Variants in GLB1L2 observed in about 807,000 individuals in gnomAD.
GLB1L2 encodes the protein galactosidase beta 1 like 2.
Under a neutral mutation model 84.1 loss-of-function variants are expected in GLB1L2, and 68 were observed. That is an observed-to-expected ratio of 0.81 (90% confidence interval 0.67 to 0.99). The LOEUF (loss-of-function observed/expected upper bound fraction) is 0.99, where lower values mean the gene tolerates loss of function less well. Ranked by LOEUF, GLB1L2 falls within the 50% of genes least tolerant of loss-of-function variation. The probability of loss-of-function intolerance (pLI) is 0.00; values close to 1 mark genes in which losing one functional copy is unlikely to be tolerated. For missense variants in GLB1L2, 762 were observed against 805.6 expected, an observed-to-expected ratio of 0.95 and a Z score of 0.66; for synonymous variants, 290 against 318.0, an observed-to-expected ratio of 0.91 and a Z score of 0.94.
chr11:134,364,220 G>C, intron 7 of GLB1L2, 108 bp from the exon 8 acceptor site: 2 of 826,810 alleles, frequency 2.4e-6, no homozygotes, highest in Non-Finnish European at 1.9e-6. Flanking sequence ...CGGTGTCAGG[G>C]CCGCTTACTT....
intron 6 of GLB1L2, among the ~76,000 whole-genome samples, chr11:134,357,434 G>C (rs1234417286): frequency 6.6e-6 from 1 of 152,242 alleles, no homozygotes; most frequent in East Asian, 1.9e-4. Context: ...GGTCCATTCT[G>C]ATGGCCATGC....
At chr11:134,348,826 C>T (rs1033347179) in intron 5 of GLB1L2, among the ~76,000 whole-genome samples, 3 of 152,116 alleles carry the variant, frequency 2.0e-5, no homozygotes, top group African/African-American at 7.2e-5. Context: ...TCTGGAAGGG[C>T]CCCCTTCCAG....
At chr11:134,335,929 G>A (rs1943379774) in intron 1 of GLB1L2, among the ~76,000 whole-genome samples, 1 of 152,158 alleles carries the variant, frequency 6.6e-6, no homozygotes, top group Non-Finnish European at 1.5e-5. Flanking sequence ...AGCAGGGGCA[G>A]GGTTTTTTGG....
rs906397515 is a variant in GLB1L2, at chr11:134,339,227, C to T, written c.87-3527C>T. Among the ~76,000 whole-genome samples the T allele has an allele frequency of 6.6e-6, 1 of 152,176 alleles. No homozygotes were observed. Among genetic ancestry groups the T allele is most frequent in the African/African-American group, 2.4e-5 (1 of 41,442 alleles). On this transcript the variant is annotated intron_variant, in intron 1 of 18. Transcript: ENST00000535456. This position sits in a 1 kb window ranked among gnomAD's most constrained non-coding sequence, Gnocchi z 5.7. The stretch of plus-strand genomic sequence containing the variant: ...TCTTGCTGACCTTTAAACCAACCAA[C>T]TCCAACCACACTGTTGATATTTCCT...
chr11:134,333,378 TC>T (rs1419103744), intron 1 of GLB1L2, among the ~76,000 whole-genome samples: 1 of 152,198 alleles, frequency 6.6e-6, no homozygotes, highest in African/African-American at 2.4e-5. Flanking sequence ...TCAGCTTTCC[TC>T]CCTGTGCAAG....
rs1411224298 is a variant in GLB1L2, at chr11:134,338,804, G to A, written c.87-3950G>A. Among the ~76,000 whole-genome samples the A allele has an allele frequency of 6.6e-6, 1 of 152,146 alleles. No individual in the cohort carries two copies. The highest frequency in any genetic ancestry group is 1.5e-5 in the Non-Finnish European group (1 of 68,032). On this transcript the variant is annotated intron_variant, in intron 1 of 18. Coordinates refer to ENST00000535456, the MANE Select transcript of GLB1L2 (RefSeq NM_001370461.1). This position sits in a 1 kb window ranked among gnomAD's most constrained non-coding sequence, Gnocchi z 6.2. ...GGCTGTAGAGGTCTTGTTAGGTTGT[G>A]CGCGGCCCCATCAGAAGTCCTGATG...
At position 134,355,181 on chromosome 11, in the gene GLB1L2, G is replaced by A. The variant is rs1943685104; in HGVS notation, c.559-1120G>A. ...TATTTCAGCCCCAGAAGTTCCTTTG[G>A]TTCTTTTAAAAATAATCTCTGTTTC... On this transcript the variant is annotated intron_variant, in intron 5 of 18. Transcript: ENST00000535456. Among the ~76,000 whole-genome samples the A allele has an allele frequency of 3.3e-5, 5 of 151,910 alleles. No homozygotes were observed. The South Asian group carries it at 1.0e-3, about 32-fold the overall frequency.
chr11:134,341,563 G>C (rs1943463287), intron 1 of GLB1L2, among the ~76,000 whole-genome samples: 1 of 152,216 alleles, frequency 6.6e-6, no homozygotes, highest in Admixed American at 6.5e-5. Context: ...GTGGTGAACA[G>C]ATTCCCAGGT....
chr11:134,333,600 A>G (rs559962262), intron 1 of GLB1L2, among the ~76,000 whole-genome samples: 2 of 152,202 alleles, frequency 1.3e-5, no homozygotes, highest in South Asian at 2.1e-4. Context: ...TGGTACACCC[A>G]AAAAGTCCCC....
At chr11:134,347,666 G>A (rs1444627645) in intron 5 of GLB1L2, among the ~76,000 whole-genome samples, 1 of 152,214 alleles carries the variant, frequency 6.6e-6, no homozygotes, top group Non-Finnish European at 1.5e-5. Flanking sequence ...ACAGATGTAA[G>A]GGCTCACATT....
chr11:134,347,712 A>G (rs1943571619), intron 5 of GLB1L2, among the ~76,000 whole-genome samples: 1 of 152,206 alleles, frequency 6.6e-6, no homozygotes, highest in Admixed American at 6.5e-5. Flanking sequence ...GGATGCTGTG[A>G]TAGCCGGGAA....
chr11:134,342,635 C>G (rs945981316), intron 1 of GLB1L2, 119 bp from the exon 2 acceptor site: 2 of 1,026,254 alleles, frequency 1.9e-6, no homozygotes, highest in African/African-American at 3.2e-5. Flanking sequence ...GAGCTTTTCC[C>G]AGCCACCTGG....
intron 1 of GLB1L2, 67 bp from the exon 2 acceptor site, chr11:134,342,687 G>T: frequency 6.7e-7 from 1 of 1,484,038 alleles, no homozygotes; most frequent in Non-Finnish European, 9.2e-7. Flanking sequence ...GACCTGCGAA[G>T]GGGCGAGGAA....
Position 134,332,108 on chromosome 11 carries a change from TC to T in GLB1L2, c.49del (p.Leu17CysfsTer67). The T allele has an allele frequency of 3.8e-6, 6 of 1,591,444 alleles. No homozygotes were observed. Among genetic ancestry groups the T allele is most frequent in the Non-Finnish European group, 5.1e-6 (6 of 1,170,862 alleles). ...CGGAGGCCGGCCCGCACGCTGGGAC[TC>T]CTGCTGCTGGTCGTCTTGGGCTTCC... Reference protein sequence around the residue: ...LRRRPARTLGLLLLVVLGFLV... With the variant: ...LRRRPARTLGXLLLVVLGFLV... On this transcript the variant is annotated frameshift_variant, in exon 1 of 19. Coordinates refer to ENST00000535456, the MANE Select transcript of GLB1L2 (RefSeq NM_001370461.1). LOFTEE classifies it high-confidence loss of function.
chr11:134,371,689 A>G (rs774764637), intron 14 of GLB1L2, 63 bp from the exon 15 acceptor site: 31 of 1,552,374 alleles, frequency 2.0e-5, no homozygotes, highest in Non-Finnish European at 2.5e-5. Flanking sequence ...GGGGTCCACA[A>G]GCAAATTCTG....
intron 5 of GLB1L2, among the ~76,000 whole-genome samples, chr11:134,348,323 G>A (rs1943579131): frequency 6.6e-6 from 1 of 152,098 alleles, no homozygotes; most frequent in Non-Finnish European, 1.5e-5. Context: ...TTAACTTTAT[G>A]TCTGGTATTT....
chr11:134,335,122 C>A (rs748608957), intron 1 of GLB1L2, among the ~76,000 whole-genome samples: 5 of 152,084 alleles, frequency 3.3e-5, no homozygotes, highest in African/African-American at 4.8e-5. Context: ...CCCTGCCCTG[C>A]TGTTTTCTTT....
At chr11:134,354,608 TC>T (rs1342872083) in intron 5 of GLB1L2, among the ~76,000 whole-genome samples, 2 of 152,108 alleles carry the variant, frequency 1.3e-5, no homozygotes, top group African/African-American at 4.8e-5. Context: ...AATTTTTCCC[TC>T]ATTTTTGAGT....
chr11:134,370,501 G>C lies in GLB1L2; in HGVS notation c.1215+102G>C, dbSNP rs1004440587. 3.4e-6 allele frequency: 3 copies of C among 883,230 alleles called. No homozygotes were observed. The South Asian group carries it at 4.2e-5, about 13-fold the overall frequency. The allele number at this position is 883,230 out of a possible 1,614,324, so 54.7% of individuals were successfully genotyped here. On this transcript the variant is annotated intron_variant, in intron 12 of 18. Transcript: ENST00000535456. This position sits in a 1 kb window ranked among gnomAD's most constrained non-coding sequence, Gnocchi z 4.7. ...CAGTCGTCGGCGGGAGGTGAGAGTCGTCGGGGCAGCAGGGCCTGGAGCCCC... is the reference window on the plus strand; with the variant it reads ...CAGTCGTCGGCGGGAGGTGAGAGTCCTCGGGGCAGCAGGGCCTGGAGCCCC...
Sources: gnomAD v4.1 joint callset for allele counts (sites outside exome capture counted in the v4.1 genomes callset) on GRCh38, gnomAD v4.1.1 for gene constraint, Gnocchi (gnomAD v3.1) non-coding constraint, MANE v1.5 for transcripts, NCBI Gene and HGNC (gene_info 2026-07-23, HGNC 2026-07-21) for gene names.